EPHA6: variants seen among roughly 807,000 people sequenced by gnomAD.
The protein encoded by EPHA6 is EPH receptor A6.
Under a neutral mutation model 112.0 loss-of-function variants are expected in EPHA6, and 50 were observed. That is an observed-to-expected ratio of 0.45 (90% CI 0.36 to 0.56). The LOEUF (loss-of-function observed/expected upper bound fraction) is 0.56, where lower values mean the gene tolerates loss of function less well. Among genes scored for constraint, EPHA6 ranks in the 20% least tolerant of loss-of-function variants. EPHA6 has a pLI of 0.00. For missense variants in EPHA6, 1,280 were observed against 1,417.4 expected, an observed-to-expected ratio of 0.90 and a Z score of 1.56; for synonymous variants, 529 against 490.7, an observed-to-expected ratio of 1.08 and a Z score of -1.03.
intron 2 of EPHA6, among the ~76,000 whole-genome samples, chr3:96,917,999 A>G (rs1258127022): frequency 2.0e-5 from 3 of 152,176 alleles, no homozygotes; most frequent in East Asian, 1.9e-4. Context: ...AAAACCAGCA[A>G]CAAAACTTAC....
At chr3:96,977,895 A>ATGCC (rs1458842923) in intron 2 of EPHA6, among the ~76,000 whole-genome samples, 1 of 152,198 alleles carries the variant, frequency 6.6e-6, no homozygotes, top group African/African-American at 2.4e-5. Context: ...ATGCTGCCTC[A>ATGCC]TGCCTGTAAT....
At chr3:97,579,694 G>C (rs1020401864) in intron 11 of EPHA6, among the ~76,000 whole-genome samples, 1 of 152,146 alleles carries the variant, frequency 6.6e-6, no homozygotes, top group Non-Finnish European at 1.5e-5. Flanking sequence ...GGGTAAACGA[G>C]AAAGTTATTT....
At chr3:96,994,264 C>G (rs1020408675) in intron 3 of EPHA6, 3 of 363,134 alleles carry the variant, frequency 8.3e-6, no homozygotes, top group Middle Eastern at 4.0e-4. Flanking sequence ...AGTCCTCTTT[C>G]AAATCTCAGC....
chr3:97,317,894 A>AGGAGTGT (rs1436982685), intron 5 of EPHA6, among the ~76,000 whole-genome samples: 1 of 152,018 alleles, frequency 6.6e-6, no homozygotes, highest in Non-Finnish European at 1.5e-5. Flanking sequence ...GTTGGTTATA[A>AGGAGTGT]GGAGTGTTAA....
chr3:97,426,308 T>C (rs2089118939), intron 6 of EPHA6, among the ~76,000 whole-genome samples: 1 of 152,170 alleles, frequency 6.6e-6, no homozygotes, highest in South Asian at 2.1e-4. Context: ...CAAATGTATG[T>C]CTTACACAGC....
Position 96,987,989 on chromosome 3 carries a change from C to A in EPHA6, c.1110C>A (p.Cys370Ter). Residue 370 changes from cysteine to a stop codon, truncating the protein, a stop_gained, in exon 3 of 18, where the codon TGC (cysteine) becomes TGA (stop). Transcript: ENST00000389672. LOFTEE classifies it high-confidence loss of function. ...STGYEEIEGSCHACRPGFYKA... is the reference protein window; with the variant it reads ...STGYEEIEGS Reference sequence around the variant, plus strand: ...GATATGAAGAAATTGAGGGTTCTTGCCATGGTAAGAAACAAACATTTAAAT... The same window carrying A: ...GATATGAAGAAATTGAGGGTTCTTGACATGGTAAGAAACAAACATTTAAAT... 6.5e-7 allele frequency: 1 copy of A among 1,539,726 alleles called. No homozygotes were observed. Among genetic ancestry groups the A allele is most frequent in the East Asian group, 2.3e-5 (1 of 43,356 alleles).
chr3:97,080,680 T>G (rs1367653432), intron 3 of EPHA6, among the ~76,000 whole-genome samples: 1 of 152,080 alleles, frequency 6.6e-6, no homozygotes, highest in Non-Finnish European at 1.5e-5. Context: ...AAGAACATAG[T>G]GCTTATATAT....
At chr3:97,032,374 A>G (rs1447747598) in intron 3 of EPHA6, among the ~76,000 whole-genome samples, 2 of 152,088 alleles carry the variant, frequency 1.3e-5, no homozygotes, top group Admixed American at 6.6e-5. Context: ...GGTGCAGCAC[A>G]CCAACATGGC....
intron 6 of EPHA6, among the ~76,000 whole-genome samples, chr3:97,434,234 G>A (rs1560002604): frequency 6.6e-6 from 1 of 152,066 alleles, no homozygotes; most frequent in African/African-American, 2.4e-5. Context: ...AGACTTCCTA[G>A]GTTCAAATCC....
At chr3:97,644,774 G>T (rs931911311) in intron 14 of EPHA6, among the ~76,000 whole-genome samples, 7 of 151,498 alleles carry the variant, frequency 4.6e-5, no homozygotes, top group African/African-American at 1.2e-4. Flanking sequence ...AATAACAGGA[G>T]CTGAAATTGT....
At chr3:97,220,371 T>G (rs2078157881) in intron 3 of EPHA6, among the ~76,000 whole-genome samples, 1 of 152,232 alleles carries the variant, frequency 6.6e-6, no homozygotes, top group Non-Finnish European at 1.5e-5. Context: ...TTTATAACAG[T>G]ACCCCACTCT....
chr3:97,421,222 T>A (rs1049908148), intron 6 of EPHA6, among the ~76,000 whole-genome samples: 1 of 152,074 alleles, frequency 6.6e-6, no homozygotes, highest in East Asian at 1.9e-4. Flanking sequence ...AAAGCATATA[T>A]GTTGTTAAAA....
chr3:97,637,380 CT>C (rs912448154), intron 13 of EPHA6, among the ~76,000 whole-genome samples: 15 of 151,576 alleles, frequency 9.9e-5, no homozygotes, highest in South Asian at 2.1e-4. Flanking sequence ...TATACCATCA[CT>C]TTTTTTTTCC....
At chr3:97,291,204 G>T (rs1337541659) in intron 5 of EPHA6, among the ~76,000 whole-genome samples, 2 of 152,022 alleles carry the variant, frequency 1.3e-5, no homozygotes, top group Admixed American at 6.6e-5. Context: ...TCTTGTTATT[G>T]ATTTCTAGTT....
intron 2 of EPHA6, among the ~76,000 whole-genome samples, chr3:96,874,676 A>G (rs951719514): frequency 2.0e-5 from 3 of 152,112 alleles, no homozygotes; most frequent in African/African-American, 7.2e-5. Flanking sequence ...CACATAATCT[A>G]AAGACAACTA....
intron 3 of EPHA6, among the ~76,000 whole-genome samples, chr3:97,018,311 G>T (rs946123821): frequency 1.3e-5 from 2 of 151,998 alleles, no homozygotes; most frequent in East Asian, 3.9e-4. Flanking sequence ...AGACGAGAGA[G>T]TGTAGAAATA....
chr3:97,216,605 G>C (rs1194007841), intron 3 of EPHA6, among the ~76,000 whole-genome samples: 1 of 152,196 alleles, frequency 6.6e-6, no homozygotes. Context: ...CAGTGGAATT[G>C]TTATATCAAA....
At chr3:97,721,077 A>C (rs1349591146) in intron 15 of EPHA6, among the ~76,000 whole-genome samples, 1 of 152,106 alleles carries the variant, frequency 6.6e-6, no homozygotes, top group Non-Finnish European at 1.5e-5. Context: ...ATTATATTTT[A>C]AGTTCCCACT....
intron 2 of EPHA6, among the ~76,000 whole-genome samples, chr3:96,903,329 C>T (rs547192052): frequency 4.7e-5 from 7 of 149,324 alleles, no homozygotes; most frequent in Non-Finnish European, 1.1e-4. Flanking sequence ...TCTCCTTCCC[C>T]TGCTCTGGGA....
Sources: gnomAD v4.1 joint callset for allele counts (sites outside exome capture counted in the v4.1 genomes callset) on GRCh38, gnomAD v4.1.1 for gene constraint, MANE v1.5 for transcripts, NCBI Gene and HGNC (gene_info 2026-07-23, HGNC 2026-07-21) for gene names.